The following SAMMSON variants were observed in gnomAD, a reference collection of about 807,000 sequenced individuals.
SAMMSON encodes survival associated mitochondrial melanoma specific oncogenic non-coding RNA.
intron 7 of SAMMSON, among the ~76,000 whole-genome samples, chr3:70,324,187 CT>C (rs766618253): frequency 0.14 from 16,594 of 117,820 alleles, 1,102 homozygotes; most frequent in African/African-American, 0.21. Flanking sequence ...ATCTATCTAT[CT>C]ATCTATCTAT....
intron 7 of SAMMSON, among the ~76,000 whole-genome samples, chr3:70,313,673 G>A (rs1305035116): frequency 1.3e-5 from 2 of 151,920 alleles, no homozygotes; most frequent in Admixed American, 6.6e-5. Context: ...GTCTTTACCT[G>A]GACAATTGTC....
chr3:70,041,495 G>C (rs1316099747), intron 3 of SAMMSON, among the ~76,000 whole-genome samples: 1 of 151,968 alleles, frequency 6.6e-6, no homozygotes, highest in African/African-American at 2.4e-5. Flanking sequence ...CTAAAACATG[G>C]TGATAATAGA....
At chr3:70,376,130 T>C (rs1471076401) in intron 9 of SAMMSON, among the ~76,000 whole-genome samples, 1 of 152,200 alleles carries the variant, frequency 6.6e-6, no homozygotes, top group Non-Finnish European at 1.5e-5. Context: ...CAAAAGAAGA[T>C]ACATATTGTA....
At chr3:70,325,973 T>C (rs1702578331) in intron 7 of SAMMSON, among the ~76,000 whole-genome samples, 1 of 152,158 alleles carries the variant, frequency 6.6e-6, no homozygotes, top group African/African-American at 2.4e-5. Context: ...TACAACTTTA[T>C]TTTATCTCAT....
chr3:70,108,236 C>A (rs2067374503), intron 4 of SAMMSON, among the ~76,000 whole-genome samples: 2 of 151,938 alleles, frequency 1.3e-5, no homozygotes, highest in African/African-American at 4.8e-5. Flanking sequence ...GCTCAAGCCA[C>A]ATGGCTCTAA....
intron 7 of SAMMSON, among the ~76,000 whole-genome samples, chr3:70,307,976 G>C (rs980434909): frequency 1.3e-5 from 2 of 152,162 alleles, no homozygotes; most frequent in Non-Finnish European, 2.9e-5. Context: ...CAAAGAGACT[G>C]ACTGCCTTCA....
chr3:70,250,419 A>T (rs1701751192), intron 6 of SAMMSON, among the ~76,000 whole-genome samples: 1 of 49,072 alleles, frequency 2.0e-5, no homozygotes, highest in African/African-American at 4.8e-5. Flanking sequence ...TCTCACACAC[A>T]CACACACACA....
chr3:70,319,285 A>G (rs1702518694), intron 7 of SAMMSON, among the ~76,000 whole-genome samples: 1 of 152,072 alleles, frequency 6.6e-6, no homozygotes, highest in Admixed American at 6.6e-5. Flanking sequence ...TAGGAAAAGG[A>G]CAGTGAAGTC....
intron 9 of SAMMSON, among the ~76,000 whole-genome samples, chr3:70,372,824 C>T (rs943886578): frequency 6.6e-6 from 1 of 152,154 alleles, no homozygotes; most frequent in African/African-American, 2.4e-5. Context: ...ACTCTTCTAG[C>T]AGTTGCTCTA....
chr3:70,126,287 A>G, intron 4 of SAMMSON: 1 of 1,105,630 alleles, frequency 9.0e-7, no homozygotes, highest in Non-Finnish European at 1.3e-6. Flanking sequence ...CTGGAGTGGG[A>G]CATGGGGAGT....
chr3:70,225,726 C>T (rs778892562), intron 4 of SAMMSON, among the ~76,000 whole-genome samples: 6 of 152,002 alleles, frequency 3.9e-5, no homozygotes, highest in Non-Finnish European at 7.4e-5. Flanking sequence ...TAAAGTAGAA[C>T]GATAGTTTGG....
In SAMMSON at chr3:70,119,135, C is replaced by T. The variant is rs1300261925; in HGVS notation, n.507+47570C>T. 2.6e-5 allele frequency among the ~76,000 whole-genome samples: 4 copies of T among 152,172 alleles called. No individual in the cohort carries two copies. The South Asian group carries it at 6.2e-4, about 24-fold the overall frequency. Reference sequence around the variant, plus strand: ...AAGCTGGAGTGCCATGGCGTGATGTCGGCTCACTGCAACGTCCACCTCTTG... The same window carrying T: ...AAGCTGGAGTGCCATGGCGTGATGTTGGCTCACTGCAACGTCCACCTCTTG... On this transcript the variant is annotated intron_variant and non_coding_transcript_variant, in intron 4 of 9. Transcript: ENST00000642114.
chr3:70,418,999 CTCTTTCTTTCTTTCTTTCCT>C (rs895685693), intron 2 of SAMMSON, among the ~76,000 whole-genome samples: 1 of 119,294 alleles, frequency 8.4e-6, no homozygotes, highest in African/African-American at 3.5e-5. Flanking sequence ...CTCTCTCTCT[CTCTTTCTTTCTTTCTTTCCT>C]TCTTTCTTTC....
chr3:70,389,253 C>T (rs145150287), intron 9 of SAMMSON, among the ~76,000 whole-genome samples: 233 of 152,152 alleles, frequency 1.5e-3, no homozygotes, highest in Middle Eastern at 0.01. Context: ...CAAAAGTAAA[C>T]GGACTAAAAC....
chr3:70,307,111 C>T (rs926120047), intron 7 of SAMMSON, among the ~76,000 whole-genome samples: 1 of 152,096 alleles, frequency 6.6e-6, no homozygotes, highest in Non-Finnish European at 1.5e-5. Flanking sequence ...CCTCCTAGAA[C>T]AGAAGCTGCA....
chr3:70,249,872 C>G (rs139879568), intron 6 of SAMMSON, among the ~76,000 whole-genome samples: 3 of 151,962 alleles, frequency 2.0e-5, no homozygotes, highest in African/African-American at 7.2e-5. Flanking sequence ...TATTTGCTAA[C>G]GTTAATAAAA....
intron 3 of SAMMSON, among the ~76,000 whole-genome samples, chr3:70,016,897 A>G (rs2107579264): frequency 6.6e-6 from 1 of 152,268 alleles, no homozygotes. Flanking sequence ...AGATGGTTGT[A>G]GATATGCGGC....
intron 7 of SAMMSON, among the ~76,000 whole-genome samples, chr3:70,335,455 TAA>T (rs986555376): frequency 7.9e-5 from 12 of 152,044 alleles, no homozygotes; most frequent in African/African-American, 2.9e-4. Context: ...AAATTTTATC[TAA>T]GTTTTTTTTA....
chr3:70,039,123 A>G (rs1481555706), intron 3 of SAMMSON, among the ~76,000 whole-genome samples: 1 of 152,162 alleles, frequency 6.6e-6, no homozygotes, highest in African/African-American at 2.4e-5. Flanking sequence ...TCTGATCACT[A>G]AAAGTGGGAG....
Sources: allele counts gnomAD v4.1 joint callset (sites outside exome capture counted in the v4.1 genomes callset), GRCh38; gene constraint gnomAD v4.1.1; transcripts MANE v1.5; gene names NCBI Gene and HGNC (gene_info 2026-07-23, HGNC 2026-07-21).